RGS12: variants seen among roughly 807,000 people sequenced by gnomAD.
RGS12 encodes the protein regulator of G-protein signaling 12.
RGS12 carries 66 observed loss-of-function variants against 120.1 expected under a neutral mutation model. The observed-to-expected ratio is 0.55, with a 90% CI of 0.45 to 0.67. The LOEUF is 0.67. Among genes scored for constraint, RGS12 ranks in the 30% least tolerant of loss-of-function variants. The probability of loss-of-function intolerance (pLI) is 0.00; values close to 1 mark genes in which losing one functional copy is unlikely to be tolerated. For missense variants in RGS12, 1,859 were observed against 1,957.7 expected, an observed-to-expected ratio of 0.95 and a Z score of 0.95; for synonymous variants, 827 against 804.7, an observed-to-expected ratio of 1.03 and a Z score of -0.47.
intron 1 of RGS12, among the ~76,000 whole-genome samples, chr4:3,300,834 G>T (rs147474433): frequency 6.6e-6 from 1 of 152,214 alleles, no homozygotes; most frequent in African/African-American, 2.4e-5. Context: ...GGAAATTCAG[G>T]ATCATTGCCT....
At chr4:3,403,793 C>G (rs1477631942) in intron 4 of RGS12, among the ~76,000 whole-genome samples, 2 of 152,244 alleles carry the variant, frequency 1.3e-5, no homozygotes, top group Non-Finnish European at 2.9e-5. Flanking sequence ...CGTAAGATTT[C>G]TCTGGGAAGA....
At chr4:3,297,409 C>T (rs1307313726) in intron 1 of RGS12, among the ~76,000 whole-genome samples, 1 of 152,232 alleles carries the variant, frequency 6.6e-6, no homozygotes, top group Non-Finnish European at 1.5e-5. Flanking sequence ...TGAAGCTGCT[C>T]CTTTAAAGCT....
rs1182176055 is a variant in RGS12, at chr4:3,366,842, C to G, written c.1999-19574C>G. Among the ~76,000 whole-genome samples, 1 of 152,128 alleles carries G rather than the reference C, an allele frequency of 6.6e-6. No individual in the cohort carries two copies. Among genetic ancestry groups the G allele is most frequent in the Non-Finnish European group, 1.5e-5 (1 of 68,010 alleles). On this transcript the variant is annotated intron_variant, in intron 3 of 17. Transcript: ENST00000336727. The surrounding 1 kb of genome is among the most constrained non-coding windows in gnomAD (Gnocchi z 4.0). ...GTCAAGGAGGAGCTCTTTGGCAGGT[C>G]CTGGAGACCCTGGGTCACCCACAGG...
At position 3,425,533 on chromosome 4, in the gene RGS12, G is replaced by C; in HGVS notation, c.3304G>C (p.Glu1102Gln). The part of the protein sequence containing the change: ...SSLDGQRVVL[E>Q]EKDPSRGKAS... ...TCTGGACGGACAGCGGGTTGTCTTG[G>C]AGGAGAAGGATCCTTCCAGAGGAAA... is the stretch of plus-strand genomic sequence containing the variant. Residue 1102 changes from glutamate to glutamine, a missense_variant, in exon 14 of 18, where the codon GAG (glutamate) becomes CAG (glutamine). Around this residue, in one of 3 missense-constraint regions of RGS12, gnomAD observed 517 missense variants for 488.5 expected, o/e 1.06. Transcript: ENST00000336727. 1.2e-6 allele frequency: 2 copies of C among 1,611,234 alleles called. No homozygotes were observed. The highest frequency in any genetic ancestry group is 1.1e-5 in the South Asian group (1 of 90,838).
intron 2 of RGS12, among the ~76,000 whole-genome samples, chr4:3,320,079 C>G (rs372186251): frequency 6.6e-6 from 1 of 152,246 alleles, no homozygotes; most frequent in Non-Finnish European, 1.5e-5. Flanking sequence ...AAGGTTGACA[C>G]TGGTGTTTAT....
intron 2 of RGS12, chr4:3,342,385 G>A: frequency 8.1e-7 from 1 of 1,228,792 alleles, no homozygotes. Flanking sequence ...TCATTTCCTG[G>A]AGGAGGAGAG....
At chr4:3,338,592 C>G (rs1712733319) in intron 2 of RGS12, among the ~76,000 whole-genome samples, 1 of 152,174 alleles carries the variant, frequency 6.6e-6, no homozygotes, top group South Asian at 2.1e-4. Context: ...CTGGCTCAGG[C>G]TGGCTCACTG....
At chr4:3,330,795 G>A (rs1711751825) in intron 2 of RGS12, among the ~76,000 whole-genome samples, 2 of 152,168 alleles carry the variant, frequency 1.3e-5, no homozygotes, top group African/African-American at 4.8e-5. Context: ...GGAACCCAGG[G>A]TGCCTACTGT....
chr4:3,422,387 C>T lies in RGS12; in HGVS notation c.2850C>T (p.Cys950=). The T allele has an allele frequency of 6.2e-7, 1 of 1,611,764 alleles. No homozygotes were observed. The highest frequency in any genetic ancestry group is 8.5e-7 in the Non-Finnish European group (1 of 1,179,252). Residue 950 remains cysteine (C), a synonymous_variant, in exon 11 of 18, where the codon TGC becomes TGT. Transcript: ENST00000336727. Reference sequence around the variant, plus strand: ...TCGCTGCTCCCCAGTCGGAGGCCTGCAGGACTTTGGCACCCGAGAAGGACA... The same window carrying T: ...TCGCTGCTCCCCAGTCGGAGGCCTGTAGGACTTTGGCACCCGAGAAGGACA... ...SAGSLDLSEA[C]RTLAPEKDKA...
intron 1 of RGS12, among the ~76,000 whole-genome samples, chr4:3,308,437 C>G (rs1488160626): frequency 1.3e-5 from 2 of 152,226 alleles, no homozygotes; most frequent in Admixed American, 6.5e-5. Context: ...AGGCACCCTC[C>G]CCGTTTGCAG....
intron 4 of RGS12, among the ~76,000 whole-genome samples, chr4:3,391,271 T>C (rs1719468882): frequency 6.6e-6 from 1 of 152,254 alleles, no homozygotes; most frequent in Non-Finnish European, 1.5e-5. Flanking sequence ...ATTTTCAGTT[T>C]TGGAAGTGTG....
At chr4:3,363,634 G>A (rs993890289) in intron 3 of RGS12, among the ~76,000 whole-genome samples, 1 of 151,962 alleles carries the variant, frequency 6.6e-6, no homozygotes, top group Non-Finnish European at 1.5e-5. Context: ...CCGCTCACCC[G>A]GCGCACACTG....
intron 3 of RGS12, among the ~76,000 whole-genome samples, chr4:3,362,823 G>T (rs1297167972): frequency 6.7e-6 from 1 of 149,964 alleles, no homozygotes; most frequent in Non-Finnish European, 1.5e-5. Context: ...GGGTGTGTCA[G>T]TGTGTTTGAG....
intron 2 of RGS12, among the ~76,000 whole-genome samples, chr4:3,321,731 G>A (rs1273330951): frequency 6.6e-6 from 1 of 152,194 alleles, no homozygotes; most frequent in Admixed American, 6.5e-5. Context: ...TGGACTGCAG[G>A]CATGTGGTGT....
At chr4:3,343,680 C>G (rs1343884674) in intron 3 of RGS12, among the ~76,000 whole-genome samples, 2 of 152,154 alleles carry the variant, frequency 1.3e-5, no homozygotes, top group East Asian at 1.9e-4. Context: ...GGACAAATGT[C>G]CGTGCCGTGC....
intron 5 of RGS12, 140 bp downstream of exon 5, chr4:3,414,381 A>T: frequency 1.1e-6 from 1 of 936,826 alleles, no homozygotes; most frequent in Non-Finnish European, 1.5e-6. Flanking sequence ...CCCTCCCTGG[A>T]CCGCCACCCT....
At chr4:3,373,967 G>A (rs1717345048) in intron 3 of RGS12, among the ~76,000 whole-genome samples, 2 of 152,148 alleles carry the variant, frequency 1.3e-5, no homozygotes, top group African/African-American at 4.8e-5. Context: ...TAAGCTGTCC[G>A]TCCATGTTAC....
chr4:3,373,377 C>T lies in RGS12; in HGVS notation c.1999-13039C>T, dbSNP rs77248039. Among the ~76,000 whole-genome samples, 8 of 152,252 alleles carry T rather than the reference C, an allele frequency of 5.3e-5. No individual in the cohort carries two copies. The East Asian group carries it at 1.4e-3, about 26-fold the overall frequency. ...GCAGTGGTGCATGGCTGATGGCCGC[C>T]GCAGGACACAAGAGGGTTTCGGGGG... On this transcript the variant is annotated intron_variant, in intron 3 of 17. Transcript: ENST00000336727.
At chr4:3,299,193 T>C (rs1447961714) in intron 1 of RGS12, among the ~76,000 whole-genome samples, 1 of 152,048 alleles carries the variant, frequency 6.6e-6, no homozygotes, top group African/African-American at 2.4e-5. Flanking sequence ...TGCTGGACTC[T>C]GGGGTCTCTC....
Sources: gnomAD v4.1 joint callset for allele counts (sites outside exome capture counted in the v4.1 genomes callset) on GRCh38, gnomAD v4.1.1 for gene constraint, gnomAD v4.1.1 regional missense constraint, Gnocchi (gnomAD v3.1) non-coding constraint, MANE v1.5 for transcripts, NCBI Gene and HGNC (gene_info 2026-07-23, HGNC 2026-07-21) for gene names.